Variants in FNBP1L observed in about 807,000 individuals in gnomAD.
FNBP1L encodes the protein formin-binding protein 1-like.
A neutral mutation model predicts 91.2 loss-of-function variants in FNBP1L; 36 were observed. The ratio of observed to expected loss-of-function variants is 0.39; its 90% CI spans 0.30 to 0.52. FNBP1L has a LOEUF of 0.52. Among genes scored for constraint, FNBP1L ranks in the 20% least tolerant of loss-of-function variants. The pLI is 0.66. For missense variants in FNBP1L, 571 were observed against 732.1 expected (o/e 0.78, Z 2.54); for synonymous variants, 242 against 237.0 (o/e 1.02, Z -0.19).
Position 93,552,734 on chromosome 1 carries a change from C to T in FNBP1L, c.*318C>T. 1 of 259,452 alleles carries T rather than the reference C, an allele frequency of 3.9e-6. No individual in the cohort carries two copies. Among genetic ancestry groups the T allele is most frequent in the Non-Finnish European group, 7.2e-6 (1 of 138,634 alleles). The allele number at this position is 259,452 out of a possible 1,614,324, so 16.1% of individuals were successfully genotyped here. ...CAGAGCTGTCAAAAAATGTGTCTTA[C>T]ATTAGCTGTCCCAACAGGATTGTCT... On this transcript the variant is annotated 3_prime_UTR_variant, in exon 17 of 17. Transcript: ENST00000271234.
At chr1:93,550,237 C>T (rs1297180405) in intron 15 of FNBP1L, among the ~76,000 whole-genome samples, 1 of 152,156 alleles carries the variant, frequency 6.6e-6, no homozygotes, top group East Asian at 1.9e-4. Context: ...TAGTCCCAGA[C>T]ACTTGGGAGG....
At chr1:93,496,700 T>G (rs1055457460) in intron 1 of FNBP1L, among the ~76,000 whole-genome samples, 2 of 151,640 alleles carry the variant, frequency 1.3e-5, no homozygotes, top group Admixed American at 1.3e-4. Flanking sequence ...CATCTAGCCT[T>G]TTTTATGTTT....
chr1:93,524,701 A>G (rs1671442130), intron 5 of FNBP1L, among the ~76,000 whole-genome samples: 2 of 151,708 alleles, frequency 1.3e-5, no homozygotes, highest in Admixed American at 1.3e-4. Flanking sequence ...GAGAATAATC[A>G]AGGTTCTTTT....
At chr1:93,540,410 CT>C (rs1383023598) in intron 10 of FNBP1L, among the ~76,000 whole-genome samples, 4 of 152,010 alleles carry the variant, frequency 2.6e-5, no homozygotes, top group Non-Finnish European at 5.9e-5. Flanking sequence ...AACCTATATA[CT>C]TGTATATATT....
In FNBP1L at chr1:93,461,368, A is replaced by G. The variant is rs187268738; in HGVS notation, c.24+13063A>G. Among the ~76,000 whole-genome samples, 3 of 152,248 alleles carry G rather than the reference A, an allele frequency of 2.0e-5. No homozygotes were observed. In the East Asian group the frequency reaches 5.8e-4, roughly 29 times the overall value. ...GGGAGCACAGTTTGAATTTTTTCTT[A>G]ATCAGGTGCTTAAACAAATAGCTTG... is the stretch of plus-strand genomic sequence containing the variant. On this transcript the variant is annotated intron_variant, in intron 1 of 16. Coordinates refer to ENST00000271234, the MANE Select transcript of FNBP1L (RefSeq NM_001164473.3).
At chr1:93,512,874 A>G (rs1670912350) in intron 2 of FNBP1L, among the ~76,000 whole-genome samples, 2 of 152,212 alleles carry the variant, frequency 1.3e-5, no homozygotes, top group Middle Eastern at 3.4e-3. Flanking sequence ...TAGAAAAGCA[A>G]GAGCAAACAC....
intron 1 of FNBP1L, among the ~76,000 whole-genome samples, chr1:93,474,787 G>GT (rs533920548): frequency 2.0e-5 from 3 of 152,106 alleles, no homozygotes; most frequent in South Asian, 2.1e-4. Context: ...AGCCATTCTT[G>GT]TTTTTTTGTT....
rs1482850309 is a variant in FNBP1L at position 93,529,769 on chromosome 1, C to T, written c.510+13C>T. On this transcript the variant is annotated intron_variant, in intron 6 of 16. Coordinates refer to ENST00000271234, the MANE Select transcript of FNBP1L (RefSeq NM_001164473.3). ...AGATGTTGAAAAGGTAAGAAATACT[C>T]CAAACCAACTTTAATGTCAAAATAT... 1.4e-6 allele frequency: 2 copies of T among 1,386,604 alleles called. No homozygotes were observed. The highest frequency in any genetic ancestry group is 1.9e-6 in the Non-Finnish European group (2 of 1,026,610). The allele number at this position is 1,386,604 out of a possible 1,614,324, so 85.9% of individuals were successfully genotyped here. A position where few individuals can be genotyped will look rare whatever the true frequency, so the allele number is the denominator to read the frequency against.
chr1:93,508,001 T>C (rs945910383), intron 2 of FNBP1L, among the ~76,000 whole-genome samples: 1 of 151,758 alleles, frequency 6.6e-6, no homozygotes, highest in African/African-American at 2.4e-5. Context: ...CATTATAACA[T>C]TTAAATTCAA....
intron 2 of FNBP1L, among the ~76,000 whole-genome samples, chr1:93,516,287 C>T (rs1209798129): frequency 2.6e-5 from 4 of 152,150 alleles, no homozygotes; most frequent in African/African-American, 7.2e-5. Flanking sequence ...AGGGGGCACC[C>T]GGATTTGAAC....
rs1671606972 is a variant in FNBP1L at position 93,529,527 on chromosome 1, G to A, written c.406-125G>A. 7.3e-6 allele frequency: 4 copies of A among 544,820 alleles called. No individual in the cohort carries two copies. The South Asian group carries it at 1.2e-4, about 16-fold the overall frequency. 33.7% of individuals were successfully genotyped at this position (544,820 alleles called of 1,614,324 possible). ...ACATAGGTATACATGTTCCATGGTG[G>A]TTTGCTGCACCCATCAACCCGTCAT... On this transcript the variant is annotated intron_variant, in intron 5 of 16. Transcript: ENST00000271234.
At chr1:93,463,489 A>G (rs1445059374) in intron 1 of FNBP1L, among the ~76,000 whole-genome samples, 2 of 152,162 alleles carry the variant, frequency 1.3e-5, no homozygotes, top group Non-Finnish European at 2.9e-5. Flanking sequence ...GTACATATTT[A>G]TAAATATTTC....
At chr1:93,476,876 AC>A (rs1399673853) in intron 1 of FNBP1L, among the ~76,000 whole-genome samples, 1 of 152,210 alleles carries the variant, frequency 6.6e-6, no homozygotes, top group Non-Finnish European at 1.5e-5. Context: ...TTCACAGGAC[AC>A]TTACCATATT....
intron 1 of FNBP1L, among the ~76,000 whole-genome samples, chr1:93,495,025 A>G (rs1670217584): frequency 6.6e-6 from 1 of 152,198 alleles, no homozygotes; most frequent in South Asian, 2.1e-4. Flanking sequence ...GATTATTACA[A>G]TTTGAGGTGA....
intron 2 of FNBP1L, among the ~76,000 whole-genome samples, chr1:93,505,759 C>T (rs1570813379): frequency 1.3e-5 from 2 of 152,268 alleles, no homozygotes; most frequent in African/African-American, 4.8e-5. Flanking sequence ...GAAGAGGAAC[C>T]TCTACTTTAC....
chr1:93,496,848 T>TA (rs1481124617), intron 1 of FNBP1L, among the ~76,000 whole-genome samples: 1 of 152,072 alleles, frequency 6.6e-6, no homozygotes, highest in Non-Finnish European at 1.5e-5. Context: ...TAATTTCATC[T>TA]AAAAAACACC....
chr1:93,467,422 T>C (rs577390006), intron 1 of FNBP1L, among the ~76,000 whole-genome samples: 2 of 152,296 alleles, frequency 1.3e-5, no homozygotes, highest in Admixed American at 1.3e-4. Flanking sequence ...TTACATGAGG[T>C]ACCTATAGTA....
At chr1:93,496,389 TTTTA>T (rs978730930) in intron 1 of FNBP1L, among the ~76,000 whole-genome samples, 3 of 151,660 alleles carry the variant, frequency 2.0e-5, no homozygotes, top group East Asian at 1.9e-4. Flanking sequence ...ACCTGGCTAA[TTTTA>T]TTTATTTATT....
chr1:93,475,924 G>A (rs892341494), intron 1 of FNBP1L, among the ~76,000 whole-genome samples: 5 of 151,968 alleles, frequency 3.3e-5, no homozygotes, highest in Admixed American at 2.6e-4. Flanking sequence ...ATATGAAAAT[G>A]GCTGATTTCT....
Sources: allele counts gnomAD v4.1 joint callset (sites outside exome capture counted in the v4.1 genomes callset), GRCh38; gene constraint gnomAD v4.1.1; transcripts MANE v1.5; gene names NCBI Gene and HGNC (gene_info 2026-07-23, HGNC 2026-07-21).